Variants in SMAGP observed in about 807,000 individuals in gnomAD.
SMAGP encodes the protein small cell adhesion glycoprotein, also known as small cell transmembrane and glycosylated protein.
Under a neutral mutation model 10.1 loss-of-function variants are expected in SMAGP, and 7 were observed. That is an observed-to-expected ratio of 0.70 (90% CI 0.40 to 1.31). The LOEUF is 1.31. Among genes scored for constraint, SMAGP ranks in the 50% most tolerant of loss-of-function variants. SMAGP has a pLI of 0.01. For synonymous variants in SMAGP, 49 were observed against 47.2 expected (o/e 1.04, Z -0.16); for missense variants, 113 against 116.5 (o/e 0.97, Z 0.14).
chr12:51,245,976 C>A lies in SMAGP; in HGVS notation c.259G>T (p.Ala87Ser), dbSNP rs372358236. Residue 87 changes from alanine (A) to serine (S), a missense_variant, in exon 4 of 4, where the codon GCC becomes TCC. By Grantham distance (99) the Ala-to-Ser change is moderately conservative (BLOSUM62 1). Coordinates refer to ENST00000603798, the MANE Select transcript of SMAGP (RefSeq NM_001031628.2). ...TATTCCTCTTTCTCGCTGCCCTTGG[C>A]CAAGTCACTCTCCATCTGGACGATG... is the stretch of plus-strand genomic sequence containing the variant. ...SAIVQMESDL[A>S]KGSEKEEYFI 9.9e-6 allele frequency: 16 copies of A among 1,613,808 alleles called. No individual in the cohort carries two copies. The Admixed American group carries it at 2.7e-4, about 27-fold the overall frequency.
At chr12:51,259,857 G>A (rs1304783189) in intron 2 of SMAGP, among the ~76,000 whole-genome samples, 2 of 152,180 alleles carry the variant, frequency 1.3e-5, no homozygotes, top group Non-Finnish European at 2.9e-5. Flanking sequence ...GGGATTACAG[G>A]TGTGTGCCAC....
At chr12:51,264,645 A>AG (rs1944957688) in intron 2 of SMAGP, among the ~76,000 whole-genome samples, 1 of 151,210 alleles carries the variant, frequency 6.6e-6, no homozygotes, top group Non-Finnish European at 1.5e-5. Context: ...AAAAAAAAAA[A>AG]AAAAGGTCAG....
At position 51,270,362 on chromosome 12, in the gene SMAGP, A is replaced by G; in HGVS notation, c.-145T>C. 5.1e-6 allele frequency: 1 copy of G among 194,198 alleles called. No individual in the cohort carries two copies. The highest frequency in any genetic ancestry group is 1.0e-5 in the Non-Finnish European group (1 of 95,928). 12.0% of individuals were successfully genotyped at this position (194,198 alleles called of 1,614,324 possible). On this transcript the variant is annotated 5_prime_UTR_variant, in exon 1 of 4. Coordinates refer to ENST00000603798, the MANE Select transcript of SMAGP (RefSeq NM_001031628.2). The stretch of plus-strand genomic sequence containing the variant: ...GAGTCGCGGAGGCCAGCAGAGGCCG[A>G]ACGAGGACCCCGAGCGGAGGAAGCC...
At chr12:51,246,290 A>C (rs1016373567) in intron 3 of SMAGP, 171 bp from the exon 4 acceptor site, 2 of 923,074 alleles carry the variant, frequency 2.2e-6, no homozygotes, top group Non-Finnish European at 3.2e-6. Context: ...TTTCCATGGC[A>C]CATAATAGCT....
intron 3 of SMAGP, 73 bp downstream of exon 3, chr12:51,246,678 T>G: frequency 8.9e-7 from 1 of 1,129,786 alleles, no homozygotes; most frequent in South Asian, 1.7e-5. Flanking sequence ...ATTAATGGAT[T>G]TGGTCAGGCT....
chr12:51,268,584 T>C (rs115136479), intron 2 of SMAGP, among the ~76,000 whole-genome samples: 7 of 22,206 alleles, frequency 3.2e-4, no homozygotes, highest in Non-Finnish European at 6.8e-4. Context: ...CTTCCTTTCC[T>C]TTCCTCCCTC....
At chr12:51,257,550 A>AC (rs1427252265) in intron 2 of SMAGP, among the ~76,000 whole-genome samples, 3 of 143,178 alleles carry the variant, frequency 2.1e-5, no homozygotes, top group Non-Finnish European at 4.4e-5. Context: ...ACCTTTGTAT[A>AC]CATTTTTTTT....
chr12:51,263,042 C>T (rs572305546), intron 2 of SMAGP, among the ~76,000 whole-genome samples: 2 of 152,238 alleles, frequency 1.3e-5, no homozygotes, highest in South Asian at 2.1e-4. Context: ...AGACTTGGCG[C>T]AAAATCCTGC....
At chr12:51,259,000 A>C (rs950094885) in intron 2 of SMAGP, among the ~76,000 whole-genome samples, 9 of 148,014 alleles carry the variant, frequency 6.1e-5, no homozygotes, top group Admixed American at 1.3e-4. Flanking sequence ...AAAAAAAAAA[A>C]AAAAAAAAAA....
At chr12:51,258,866 G>A (rs1462435291) in intron 2 of SMAGP, among the ~76,000 whole-genome samples, 2 of 151,756 alleles carry the variant, frequency 1.3e-5, no homozygotes, top group Non-Finnish European at 2.9e-5. Flanking sequence ...AAAGTCCAAG[G>A]CTGGGTGCAG....
chr12:51,254,286 T>C (rs1210826505), intron 2 of SMAGP, among the ~76,000 whole-genome samples: 2 of 152,192 alleles, frequency 1.3e-5, no homozygotes, highest in Non-Finnish European at 2.9e-5. Flanking sequence ...CGGTGGCTCA[T>C]GCCTGTAATC....
rs761786839 is a variant in SMAGP at position 51,246,813 on chromosome 12, G to A, written c.53C>T (p.Pro18Leu). The change falls in exon 3 of 4, where the codon CCA (proline) becomes CTA (leucine). Residue 18 changes from proline to leucine, a missense_variant. Pro to Leu is a moderately conservative substitution (Grantham distance 98, BLOSUM62 -3). Transcript: ENST00000603798. ...CAGGGCCTCAGTGGGCTGTAAAATT[G>A]GGGTGGTCATCAGTTCTTCTGGAAA... ...PSPREELMTTPILQPTEALSP... is the reference protein window; with the variant it reads ...PSPREELMTTLILQPTEALSP... 2.3e-5 allele frequency: 37 copies of A among 1,580,082 alleles called. No individual in the cohort carries two copies. Among genetic ancestry groups the A allele is most frequent in the South Asian group, 4.7e-5 (4 of 85,658 alleles).
chr12:51,252,025 A>C (rs1278643053), intron 2 of SMAGP, among the ~76,000 whole-genome samples: 1 of 152,208 alleles, frequency 6.6e-6, no homozygotes, highest in Non-Finnish European at 1.5e-5. Context: ...CAGAAAGTGC[A>C]GATGAAGAAA....
At chr12:51,254,521 T>A (rs563161484) in intron 2 of SMAGP, among the ~76,000 whole-genome samples, 2 of 152,146 alleles carry the variant, frequency 1.3e-5, no homozygotes, top group South Asian at 4.2e-4. Context: ...CACTCCAACC[T>A]GGGTGACAGA....
rs1565655466 is a variant in SMAGP at position 51,245,232 on chromosome 12, G to C, written c.*709C>G. The C allele has an allele frequency of 2.0e-5, 3 of 152,202 alleles. No individual in the cohort carries two copies. The East Asian group carries it at 5.8e-4, about 29-fold the overall frequency. The allele number at this position is 152,202 out of a possible 1,614,324, so 9.4% of individuals were successfully genotyped here. On this transcript the variant is annotated 3_prime_UTR_variant, in exon 4 of 4. Transcript: ENST00000603798. ...CTGCAAACTTCTAGAACTTTCCTAG[G>C]GTTCTTATTGCTTGGAAGAGAACAT... is the stretch of plus-strand genomic sequence containing the variant.
intron 2 of SMAGP, among the ~76,000 whole-genome samples, chr12:51,248,428 ACACACACTCTCTCTCTCTCTCT>A (rs1359734106): frequency 0.028 from 2,944 of 104,300 alleles, 55 homozygotes; most frequent in African/African-American, 0.078. Context: ...ACACACACAC[ACACACACTCTCTCTCTCTCTCT>A]CTCTCTCTCT....
intron 2 of SMAGP, among the ~76,000 whole-genome samples, chr12:51,257,273 G>A (rs1411424118): frequency 6.6e-6 from 1 of 152,172 alleles, no homozygotes; most frequent in Admixed American, 6.6e-5. Flanking sequence ...GGGGCTGGGG[G>A]GCTGGCTGCA....
At chr12:51,262,662 T>C (rs1021564752) in intron 2 of SMAGP, among the ~76,000 whole-genome samples, 2 of 152,172 alleles carry the variant, frequency 1.3e-5, no homozygotes, top group African/African-American at 4.8e-5. Flanking sequence ...CTGCTCAGGT[T>C]CATAAGATTG....
chr12:51,246,662 G>A (rs1351881564), intron 3 of SMAGP, 89 bp downstream of exon 3: 25 of 844,740 alleles, frequency 3.0e-5, no homozygotes, highest in Middle Eastern at 7.3e-4. Flanking sequence ...AAGCCAGAGT[G>A]AGCCCATTAA....
Sources: allele counts gnomAD v4.1 joint callset (sites outside exome capture counted in the v4.1 genomes callset), GRCh38; gene constraint gnomAD v4.1.1; transcripts MANE v1.5; gene names NCBI Gene and HGNC (gene_info 2026-07-23, HGNC 2026-07-21).